Variants in SLIT3 observed in about 807,000 individuals in gnomAD.
The protein encoded by SLIT3 is slit guidance ligand 3, also known as slit homolog 3 protein.
Under a neutral mutation model 184.0 loss-of-function variants are expected in SLIT3, and 68 were observed. That is an observed-to-expected ratio of 0.37 (90% CI 0.30 to 0.45). The LOEUF is 0.45. Ranked by LOEUF, SLIT3 falls within the 20% of genes least tolerant of loss-of-function variation. SLIT3 has a pLI of 1.00. For missense variants in SLIT3, 1,707 were observed against 2,026.0 expected, an observed-to-expected ratio of 0.84 and a Z score of 3.02; for synonymous variants, 831 against 828.6, an observed-to-expected ratio of 1.00 and a Z score of -0.05.
chr5:168,939,946 C>T (rs187422037), intron 4 of SLIT3, among the ~76,000 whole-genome samples: 4 of 152,248 alleles, frequency 2.6e-5, no homozygotes, highest in East Asian at 1.9e-4. Flanking sequence ...CTGAGATTAG[C>T]GGTTAAGTTC....
chr5:168,868,331 C>T (rs1759382355), intron 5 of SLIT3, among the ~76,000 whole-genome samples: 3 of 152,176 alleles, frequency 2.0e-5, no homozygotes, highest in African/African-American at 7.2e-5. Flanking sequence ...CACTGTGTTG[C>T]CCAGGCTGGA....
intron 3 of SLIT3, among the ~76,000 whole-genome samples, chr5:169,225,522 T>C (rs1764774299): frequency 6.6e-6 from 1 of 152,218 alleles, no homozygotes; most frequent in Admixed American, 6.5e-5. Flanking sequence ...CACACAAATA[T>C]GTGGTTTCCC....
chr5:169,252,698 A>C (rs1294729880), intron 1 of SLIT3, among the ~76,000 whole-genome samples: 1 of 152,184 alleles, frequency 6.6e-6, no homozygotes, highest in African/African-American at 2.4e-5. Flanking sequence ...GAACATTTAT[A>C]TACTAAGAGC....
At chr5:169,297,734 T>C (rs1303406382) in intron 1 of SLIT3, among the ~76,000 whole-genome samples, 2 of 152,176 alleles carry the variant, frequency 1.3e-5, no homozygotes, top group African/African-American at 4.8e-5. Context: ...ATTCTTTACA[T>C]TGAAGTGCTG....
At chr5:168,812,237 C>G (rs547582403) in intron 8 of SLIT3, among the ~76,000 whole-genome samples, 2 of 152,234 alleles carry the variant, frequency 1.3e-5, no homozygotes, top group South Asian at 4.2e-4. Context: ...AGAGACTGAT[C>G]CGCATGTATG....
At chr5:169,272,445 T>A (rs1766660517) in intron 1 of SLIT3, among the ~76,000 whole-genome samples, 1 of 152,220 alleles carries the variant, frequency 6.6e-6, no homozygotes, top group African/African-American at 2.4e-5. Flanking sequence ...TGGATCTAAC[T>A]GCAGACTTCA....
At chr5:168,724,539 A>C in intron 20 of SLIT3, 55 bp from the exon 21 acceptor site, 736 of 1,478,372 alleles carry the variant, frequency 5.0e-4, no homozygotes, top group Non-Finnish European at 6.4e-4. Flanking sequence ...ACAAATTCTC[A>C]CCTTTTCAGA....
intron 4 of SLIT3, among the ~76,000 whole-genome samples, chr5:168,898,289 C>A (rs886647321): frequency 6.6e-6 from 1 of 152,074 alleles, no homozygotes; most frequent in Non-Finnish European, 1.5e-5. Flanking sequence ...TCCCTCTGAG[C>A]AGCGCCACTT....
chr5:169,216,427 A>C (rs1012612184), intron 3 of SLIT3, among the ~76,000 whole-genome samples: 2 of 152,206 alleles, frequency 1.3e-5, no homozygotes, highest in African/African-American at 4.8e-5. Flanking sequence ...CGTTTCAAAG[A>C]TTAATGCACA....
At chr5:168,935,137 CA>C (rs369026421) in intron 4 of SLIT3, among the ~76,000 whole-genome samples, 2,157 of 99,410 alleles carry the variant, frequency 0.022, 17 homozygotes, top group Non-Finnish European at 0.033. Context: ...GACTCCGTCT[CA>C]AAAAAAAAAA....
At chr5:169,181,518 G>T in intron 4 of SLIT3, among the ~76,000 whole-genome samples, 1 of 152,066 alleles carries the variant, frequency 6.6e-6, no homozygotes, top group East Asian at 1.9e-4. Flanking sequence ...GAGGTGGGCG[G>T]ATCACGAGGT....
At chr5:168,746,399 CTGGT>C (rs1561907042) in intron 20 of SLIT3, among the ~76,000 whole-genome samples, 34 of 25,074 alleles carry the variant, frequency 1.4e-3, no homozygotes, top group Admixed American at 2.3e-3. Context: ...TGTGTGGTGT[CTGGT>C]GGTGTGTAGT....
chr5:168,976,269 A>G (rs1474247177), intron 4 of SLIT3, among the ~76,000 whole-genome samples: 1 of 151,996 alleles, frequency 6.6e-6, no homozygotes, highest in Non-Finnish European at 1.5e-5. Flanking sequence ...CTTCTGATAC[A>G]CTCTTTTGCA....
chr5:168,941,280 T>C (rs1054474639), intron 4 of SLIT3, among the ~76,000 whole-genome samples: 1 of 152,144 alleles, frequency 6.6e-6, no homozygotes, highest in African/African-American at 2.4e-5. Context: ...GGGCCATCCA[T>C]CTCTCGGCAG....
intron 4 of SLIT3, among the ~76,000 whole-genome samples, chr5:169,017,349 A>G (rs772586905): frequency 1.1e-4 from 17 of 152,148 alleles, no homozygotes; most frequent in Non-Finnish European, 1.9e-4. Context: ...CTCCTTCCCA[A>G]TGCCCAGCTC....
chr5:168,977,833 TA>T (rs1754819088), intron 4 of SLIT3, among the ~76,000 whole-genome samples: 1 of 152,130 alleles, frequency 6.6e-6, no homozygotes. Context: ...TGGCTGTATC[TA>T]AAGTGTCCCT....
At chr5:169,009,204 C>T (rs1489919620) in intron 4 of SLIT3, among the ~76,000 whole-genome samples, 1 of 152,156 alleles carries the variant, frequency 6.6e-6, no homozygotes, top group Non-Finnish European at 1.5e-5. Flanking sequence ...TGGTTTTCCT[C>T]CTCTTGAAAC....
Position 169,088,356 on chromosome 5 carries a change from C to T in SLIT3, c.413+105123G>A, listed in dbSNP as rs115955557. On this transcript the variant is annotated intron_variant, in intron 4 of 35. Coordinates refer to ENST00000519560, the MANE Select transcript of SLIT3 (RefSeq NM_003062.4). The stretch of plus-strand genomic sequence containing the variant: ...CAGGAGTTTGCAAAATGCTGAGATC[C>T]GTACTGCCTCCTACTCCCCTGTCAA... 2.6e-3 allele frequency among the ~76,000 whole-genome samples: 402 copies of T among 151,960 alleles called. 2 individuals carry two copies. Among genetic ancestry groups the T allele is most frequent in the Middle Eastern group, 6.8e-3 (2 of 294 alleles).
intron 4 of SLIT3, chr5:169,022,821 A>G (rs974706427): frequency 6.6e-5 from 10 of 152,158 alleles, no homozygotes; most frequent in Admixed American, 2.6e-4. Context: ...GCAAAAGCCA[A>G]GCCAAGAAAC....
Sources: allele counts gnomAD v4.1 joint callset (sites outside exome capture counted in the v4.1 genomes callset), GRCh38; gene constraint gnomAD v4.1.1; transcripts MANE v1.5; gene names NCBI Gene and HGNC (gene_info 2026-07-23, HGNC 2026-07-21).